Variants in GAB1 observed in about 807,000 individuals in gnomAD.
GAB1 encodes the protein GRB2-associated-binding protein 1.
A neutral mutation model predicts 66.5 loss-of-function variants in GAB1; 19 were observed. The ratio of observed to expected loss-of-function variants is 0.29; its 90% CI spans 0.20 to 0.42. GAB1 has a LOEUF of 0.42. GAB1 is among the 10% of genes least tolerant of loss of function. The pLI, the probability that GAB1 is intolerant of heterozygous loss-of-function variation, is 1.00. For missense variants in GAB1, 732 were observed against 858.5 expected, an observed-to-expected ratio of 0.85 and a Z score of 1.84; for synonymous variants, 294 against 301.4, an observed-to-expected ratio of 0.98 and a Z score of 0.25.
intron 8 of GAB1, among the ~76,000 whole-genome samples, chr4:143,465,689 A>T (rs1013660890): frequency 6.6e-6 from 1 of 152,218 alleles, no homozygotes; most frequent in Non-Finnish European, 1.5e-5. Context: ...AACAAAATAC[A>T]CTTAGCCAAT....
At chr4:143,355,425 T>TAGAC (rs1461005981) in intron 1 of GAB1, among the ~76,000 whole-genome samples, 3,195 of 99,372 alleles carry the variant, frequency 0.032, 108 homozygotes, top group African/African-American at 0.12. Context: ...CAATTGTGTT[T>TAGAC]AAAACAAAAC....
chr4:143,422,936 A>G (rs1733099272), intron 2 of GAB1, among the ~76,000 whole-genome samples: 1 of 152,274 alleles, frequency 6.6e-6, no homozygotes, highest in Non-Finnish European at 1.5e-5. Flanking sequence ...TTTAGTTCTT[A>G]GAAGCTTGAT....
At chr4:143,379,980 A>G (rs978537754) in intron 1 of GAB1, among the ~76,000 whole-genome samples, 2 of 150,568 alleles carry the variant, frequency 1.3e-5, no homozygotes, top group East Asian at 1.9e-4. Context: ...ATACAGTATT[A>G]TATCATCAGA....
chr4:143,354,331 T>C (rs1192096180), intron 1 of GAB1, among the ~76,000 whole-genome samples: 3 of 152,206 alleles, frequency 2.0e-5, no homozygotes, highest in Admixed American at 2.0e-4. Flanking sequence ...TTCTAACTCA[T>C]ATACTGTTTA....
chr4:143,416,715 A>G (rs186157935), intron 2 of GAB1, among the ~76,000 whole-genome samples: 1 of 152,254 alleles, frequency 6.6e-6, no homozygotes, highest in Admixed American at 6.5e-5. Flanking sequence ...CGGAGGCTAC[A>G]GTGAGCCACA....
chr4:143,396,697 T>A (rs894710671), intron 1 of GAB1, among the ~76,000 whole-genome samples: 2 of 152,200 alleles, frequency 1.3e-5, no homozygotes, highest in African/African-American at 4.8e-5. Context: ...GCCCAGATGG[T>A]TCAAATGCAT....
At chr4:143,396,886 C>G (rs543877452) in intron 1 of GAB1, among the ~76,000 whole-genome samples, 31 of 152,284 alleles carry the variant, frequency 2.0e-4, no homozygotes, top group African/African-American at 5.8e-4. Context: ...GGAGCCCCTG[C>G]TGGAAGCACA....
At chr4:143,427,607 T>A (rs1210093335) in intron 2 of GAB1, among the ~76,000 whole-genome samples, 1 of 151,758 alleles carries the variant, frequency 6.6e-6, no homozygotes, top group African/African-American at 2.4e-5. Flanking sequence ...TGTGTTCCCT[T>A]CCCCCAAGCA....
intron 1 of GAB1, among the ~76,000 whole-genome samples, chr4:143,370,884 T>C (rs55894236): frequency 0.4 from 60,379 of 152,046 alleles, 12,154 homozygotes; most frequent in South Asian, 0.53. Flanking sequence ...GAACTCATCC[T>C]TTTTTATGGC....
At chr4:143,363,896 C>CT (rs1211598375) in intron 1 of GAB1, among the ~76,000 whole-genome samples, 2 of 152,102 alleles carry the variant, frequency 1.3e-5, no homozygotes, top group Non-Finnish European at 2.9e-5. Context: ...GCCATCATCC[C>CT]TCGAGAATGA....
intron 1 of GAB1, among the ~76,000 whole-genome samples, chr4:143,354,744 T>C (rs1455877569): frequency 6.6e-6 from 1 of 152,222 alleles, no homozygotes; most frequent in African/African-American, 2.4e-5. Context: ...TTCTTTGTTT[T>C]AAGTTATAAT....
chr4:143,448,483 T>C (rs1361137229), intron 6 of GAB1, among the ~76,000 whole-genome samples: 2 of 151,932 alleles, frequency 1.3e-5, no homozygotes, highest in Non-Finnish European at 2.9e-5. Flanking sequence ...GTTATTGGTC[T>C]ATTCAGAGAT....
chr4:143,394,324 G>A (rs973882053), intron 1 of GAB1, among the ~76,000 whole-genome samples: 14 of 151,980 alleles, frequency 9.2e-5, no homozygotes, highest in South Asian at 2.1e-4. Context: ...AGAAAGATTC[G>A]GATCAAAAGG....
At position 143,468,576 on chromosome 4, in the gene GAB1, C is replaced by A. The variant is rs140849151; in HGVS notation, c.1927-455C>A. 1.5e-3 allele frequency among the ~76,000 whole-genome samples: 234 copies of A among 152,014 alleles called. 1 individual carries two copies. The highest frequency in any genetic ancestry group is 3.6e-3 in the African/African-American group (151 of 41,478). On this transcript the variant is annotated intron_variant, in intron 9 of 9. Coordinates refer to ENST00000262994, the MANE Select transcript of GAB1 (RefSeq NM_002039.4). ...AAATAGTATATAGTTAGGAGAGAGA[C>A]ATTTTTAAGTTGAGGTAGTTGATGT...
chr4:143,350,802 TA>T (rs1054199239), intron 1 of GAB1, among the ~76,000 whole-genome samples: 3 of 152,120 alleles, frequency 2.0e-5, no homozygotes, highest in Non-Finnish European at 4.4e-5. Flanking sequence ...ATTGATTATG[TA>T]AAAAAATGTG....
chr4:143,347,232 A>G (rs1000192952), intron 1 of GAB1, among the ~76,000 whole-genome samples: 19 of 152,332 alleles, frequency 1.2e-4, no homozygotes, highest in African/African-American at 4.3e-4. Context: ...ACAATCAAAT[A>G]ATTGTAGAAT....
chr4:143,394,552 A>G (rs1333192962), intron 1 of GAB1, among the ~76,000 whole-genome samples: 1 of 152,210 alleles, frequency 6.6e-6, no homozygotes, highest in East Asian at 1.9e-4. Context: ...GATCACATGT[A>G]TACAAAAGCA....
intron 1 of GAB1, among the ~76,000 whole-genome samples, chr4:143,402,115 C>T (rs1039517183): frequency 1.3e-5 from 2 of 151,598 alleles, no homozygotes; most frequent in East Asian, 1.9e-4. Context: ...GAATTAAAGA[C>T]GAGATAAAAT....
At chr4:143,432,882 T>G (rs924467069) in intron 2 of GAB1, among the ~76,000 whole-genome samples, 1 of 152,162 alleles carries the variant, frequency 6.6e-6, no homozygotes, top group African/African-American at 2.4e-5. Flanking sequence ...ACTACAAAAA[T>G]CCACTAAATG....
Sources: gnomAD v4.1 joint callset for allele counts (sites outside exome capture counted in the v4.1 genomes callset) on GRCh38, gnomAD v4.1.1 for gene constraint, MANE v1.5 for transcripts, NCBI Gene and HGNC (gene_info 2026-07-23, HGNC 2026-07-21) for gene names.